PDGFC: variants seen among roughly 807,000 people sequenced by gnomAD.
The protein encoded by PDGFC is platelet derived growth factor C.
A neutral mutation model predicts 35.5 loss-of-function variants in PDGFC; 12 were observed. The observed-to-expected ratio is 0.34, with a 90% CI of 0.22 to 0.55. The LOEUF is 0.55. PDGFC is among the 20% of genes least tolerant of loss of function. The pLI is 0.91. For missense variants in PDGFC, 322 were observed against 412.4 expected (o/e 0.78, Z 1.90); for synonymous variants, 159 against 148.8 (o/e 1.07, Z -0.50).
At chr4:156,875,607 G>T (rs1730095576) in intron 1 of PDGFC, among the ~76,000 whole-genome samples, 1 of 152,166 alleles carries the variant, frequency 6.6e-6, no homozygotes, top group East Asian at 1.9e-4. Context: ...ATATCGGAAA[G>T]AAAAACATCT....
intron 5 of PDGFC, among the ~76,000 whole-genome samples, chr4:156,764,832 G>T (rs1730477208): frequency 6.6e-6 from 1 of 152,078 alleles, no homozygotes; most frequent in Admixed American, 6.6e-5. Context: ...GCTGCAAATT[G>T]TTTCTGGAAT....
intron 3 of PDGFC, among the ~76,000 whole-genome samples, chr4:156,806,712 T>A (rs560057488): frequency 6.6e-6 from 1 of 152,248 alleles, no homozygotes; most frequent in African/African-American, 2.4e-5. Context: ...CTTTTAGAAC[T>A]GAGAAATAAA....
intron 1 of PDGFC, among the ~76,000 whole-genome samples, chr4:156,933,706 T>C (rs1731606775): frequency 6.6e-6 from 1 of 152,134 alleles, no homozygotes; most frequent in Non-Finnish European, 1.5e-5. Context: ...GGGAGGGACC[T>C]AGTGGGAGGT....
intron 1 of PDGFC, among the ~76,000 whole-genome samples, chr4:156,853,841 C>T (rs1195682140): frequency 6.6e-6 from 1 of 151,986 alleles, no homozygotes; most frequent in African/African-American, 2.4e-5. Flanking sequence ...CATGTGCCTT[C>T]AGTCCCAGCT....
chr4:156,766,944 T>C (rs1375203914), intron 5 of PDGFC, among the ~76,000 whole-genome samples: 4 of 152,102 alleles, frequency 2.6e-5, no homozygotes, highest in African/African-American at 9.6e-5. Context: ...AGATATTTGT[T>C]CTGTATTCTT....
chr4:156,822,417 G>T (rs184402225), intron 2 of PDGFC, among the ~76,000 whole-genome samples: 153 of 148,900 alleles, frequency 1.0e-3, no homozygotes, highest in Non-Finnish European at 1.8e-3. Context: ...TGTGAATACT[G>T]TATGAGGAAG....
At chr4:156,836,799 T>C (rs1211066280) in intron 2 of PDGFC, among the ~76,000 whole-genome samples, 1 of 152,110 alleles carries the variant, frequency 6.6e-6, no homozygotes, top group African/African-American at 2.4e-5. Context: ...AAACAATAAA[T>C]TTTTTTTGTA....
At chr4:156,804,191 AAAGT>A (rs895638443) in intron 3 of PDGFC, among the ~76,000 whole-genome samples, 2 of 151,954 alleles carry the variant, frequency 1.3e-5, no homozygotes, top group South Asian at 2.1e-4. Flanking sequence ...TCTTGAAATA[AAAGT>A]AATTGTAAAA....
chr4:156,965,694 T>C (rs144793535), intron 1 of PDGFC, among the ~76,000 whole-genome samples: 1,839 of 152,142 alleles, frequency 0.012, 19 homozygotes, highest in Middle Eastern at 0.034. Flanking sequence ...CCCCCAGCCA[T>C]AACCCTTGAG....
At chr4:156,908,671 G>C (rs905516125) in intron 1 of PDGFC, among the ~76,000 whole-genome samples, 4 of 152,118 alleles carry the variant, frequency 2.6e-5, no homozygotes, top group Non-Finnish European at 4.4e-5. Context: ...GTAATTCTGT[G>C]TTGACTTCTG....
Position 156,908,124 on chromosome 4 carries a change from C to A in PDGFC, c.119-57708G>T, listed in dbSNP as rs191732010. On this transcript the variant is annotated intron_variant, in intron 1 of 5. Coordinates refer to ENST00000502773, the MANE Select transcript of PDGFC (RefSeq NM_016205.3). ...GAGGTTGCAGTGAGCCGAGATCGTG[C>A]CACTGCACTCCAGCCTGGGCGACAG... Among the ~76,000 whole-genome samples, 1,299 of 152,222 alleles carry A rather than the reference C, an allele frequency of 8.5e-3. 10 individuals carry two copies. Among genetic ancestry groups the A allele is most frequent in the Non-Finnish European group, 0.015 (987 of 68,014 alleles).
At chr4:156,843,163 G>A (rs184302828) in intron 2 of PDGFC, among the ~76,000 whole-genome samples, 1 of 152,232 alleles carries the variant, frequency 6.6e-6, no homozygotes, top group African/African-American at 2.4e-5. Context: ...GGTCATGAAC[G>A]GGATCAGCAG....
At chr4:156,943,607 C>T in intron 1 of PDGFC, among the ~76,000 whole-genome samples, 1 of 151,032 alleles carries the variant, frequency 6.6e-6, no homozygotes, top group Non-Finnish European at 1.5e-5. Flanking sequence ...TGCATCAAAC[C>T]TTTTTTTTTC....
chr4:156,867,373 G>A (rs1213185124), intron 1 of PDGFC, among the ~76,000 whole-genome samples: 2 of 152,192 alleles, frequency 1.3e-5, no homozygotes, highest in South Asian at 2.1e-4. Context: ...AGGCAATAAT[G>A]CCAGGTGATA....
intron 1 of PDGFC, among the ~76,000 whole-genome samples, chr4:156,930,004 A>T (rs1731514690): frequency 6.6e-6 from 1 of 152,228 alleles, no homozygotes; most frequent in Non-Finnish European, 1.5e-5. Context: ...TTGCCATTCA[A>T]TTCTGGATTT....
chr4:156,771,882 T>C (rs1373033007), intron 4 of PDGFC, among the ~76,000 whole-genome samples: 1 of 152,196 alleles, frequency 6.6e-6, no homozygotes, highest in Non-Finnish European at 1.5e-5. Context: ...AATTAAACAG[T>C]TATTTCTATA....
chr4:156,946,782 G>GGTCTAAGTGCTAGGTCTA (rs1731958650), intron 1 of PDGFC, among the ~76,000 whole-genome samples: 2 of 152,182 alleles, frequency 1.3e-5, no homozygotes, highest in South Asian at 4.1e-4. Flanking sequence ...ACCAGAAGGA[G>GGTCTAAGTGCTAGGTCTA]AGGGCTAGGC....
intron 3 of PDGFC, among the ~76,000 whole-genome samples, chr4:156,787,560 G>C (rs1731163021): frequency 1.3e-5 from 2 of 152,168 alleles, no homozygotes; most frequent in African/African-American, 4.8e-5. Flanking sequence ...GACGATGTGG[G>C]ATCAGGAGAA....
Position 156,959,813 on chromosome 4 carries a change from C to T in PDGFC, c.118+10973G>A, listed in dbSNP as rs182756051. Reference sequence around the variant, plus strand: ...GCAAGGGAAATGTAAAATCCAGACACCCTAATTGATTTCCTAGGATGTAAA... The same window carrying T: ...GCAAGGGAAATGTAAAATCCAGACATCCTAATTGATTTCCTAGGATGTAAA... On this transcript the variant is annotated intron_variant, in intron 1 of 5. Transcript: ENST00000502773. Among the ~76,000 whole-genome samples, 57 of 151,974 alleles carry T rather than the reference C, an allele frequency of 3.8e-4. 1 individual carries two copies. The highest frequency in any genetic ancestry group is 6.8e-3 in the Middle Eastern group (2 of 292).
Sources: gnomAD v4.1 joint callset for allele counts (sites outside exome capture counted in the v4.1 genomes callset) on GRCh38, gnomAD v4.1.1 for gene constraint, MANE v1.5 for transcripts, NCBI Gene and HGNC (gene_info 2026-07-23, HGNC 2026-07-21) for gene names.